ARHGAP8: variants seen among roughly 807,000 people sequenced by gnomAD.
ARHGAP8 encodes Rho GTPase activating protein 8.
A neutral mutation model predicts 46.1 loss-of-function variants in ARHGAP8; 62 were observed. That is an observed-to-expected ratio of 1.34 (90% confidence interval 1.10 to 1.66). The LOEUF (loss-of-function observed/expected upper bound fraction) is 1.66, where lower values mean the gene tolerates loss of function less well. Ranked by LOEUF, ARHGAP8 falls within the 40% of genes most tolerant of loss-of-function variation. The pLI is 0.00. For missense variants in ARHGAP8, 923 were observed against 568.4 expected, an observed-to-expected ratio of 1.62 and a Z score of -6.34; for synonymous variants, 375 against 243.1, an observed-to-expected ratio of 1.54 and a Z score of -5.05.
At chr22:44,844,259 T>C (rs1245743722) in intron 7 of ARHGAP8, among the ~76,000 whole-genome samples, 1 of 152,088 alleles carries the variant, frequency 6.6e-6, no homozygotes, top group Non-Finnish European at 1.5e-5. Context: ...CGTGAGCTAC[T>C]GTGCCCGGCC....
At chr22:44,781,579 G>A (rs758945775) in intron 1 of ARHGAP8, among the ~76,000 whole-genome samples, 2 of 151,960 alleles carry the variant, frequency 1.3e-5, no homozygotes, top group South Asian at 2.1e-4. Context: ...GCTGGAGTGC[G>A]ATGGCGCGAT....
rs141546662 is a variant in ARHGAP8 at position 44,848,019 on chromosome 22, C to T, written c.717C>T (p.Thr239=). The part of the protein sequence containing the change: ...GLFRRSASVQ[T]VREIQRLYNQ... ...TCCGGAGATCCGCCAGCGTGCAGAC[C>T]GTCCGCGAGATCCAGAGGCTCTACA... The change falls in exon 9 of 12, where the codon ACC becomes ACT. Residue 239 remains threonine (T), a synonymous_variant. Coordinates refer to ENST00000356099, the MANE Select transcript of ARHGAP8 (RefSeq NM_181335.3). 86 of 1,607,860 alleles carry T rather than the reference C, an allele frequency of 5.3e-5. No homozygotes were observed. The Admixed American group carries it at 7.0e-4, about 13-fold the overall frequency.
intron 5 of ARHGAP8, 75 bp downstream of exon 5, chr22:44,814,833 C>T: frequency 3.3e-6 from 5 of 1,537,318 alleles, no homozygotes; most frequent in Non-Finnish European, 4.5e-6. Flanking sequence ...ACGGCCTTCC[C>T]TATCCACGCA....
At chr22:44,843,646 T>C (rs112230720) in intron 7 of ARHGAP8, among the ~76,000 whole-genome samples, 4,616 of 152,012 alleles carry the variant, frequency 0.03, 108 homozygotes, top group African/African-American at 0.053. Context: ...CTGGACAACA[T>C]GACAAAACCC....
chr22:44,753,015 G>A (rs1411644224), intron 1 of ARHGAP8, among the ~76,000 whole-genome samples: 3 of 151,872 alleles, frequency 2.0e-5, no homozygotes, highest in African/African-American at 7.3e-5. Flanking sequence ...TTCCGTCCTG[G>A]GGTCTCAGGT....
At chr22:44,838,223 C>T (rs560854887) in intron 7 of ARHGAP8, among the ~76,000 whole-genome samples, 13 of 151,972 alleles carry the variant, frequency 8.6e-5, no homozygotes, top group South Asian at 8.3e-4. Context: ...CTGCAACCTC[C>T]GCCTCCCGGG....
rs112956019 is a variant in ARHGAP8, at chr22:44,848,940, G to A, written c.757G>A (p.Val253Met). The A allele has an allele frequency of 6.8e-6, 11 of 1,613,976 alleles. No homozygotes were observed. Among genetic ancestry groups the A allele is most frequent in the East Asian group, 2.2e-5 (1 of 44,892 alleles). The change falls in exon 10 of 12, where the codon GTG becomes ATG. Residue 253 changes from valine (V) to methionine (M), a missense_variant. Physicochemically the swap from Val to Met is conservative, Grantham distance 21 (BLOSUM62 1). Coordinates refer to ENST00000356099, the MANE Select transcript of ARHGAP8 (RefSeq NM_181335.3). ...IQRLYNQGKP[V>M]NFDDYGDIHI... ...CTGTGTTGTGTGTGCAGGGAAGCCC[G>A]TGAACTTTGACGACTACGGGGACAT...
chr22:44,841,241 CT>C (rs136672), intron 7 of ARHGAP8, among the ~76,000 whole-genome samples: 118,674 of 151,972 alleles, frequency 0.78, 46,460 homozygotes, highest in East Asian at 0.93. Context: ...TGTATTTTTT[CT>C]TTTTTAGAAT....
In ARHGAP8 at chr22:44,753,807, G is replaced by A. The variant is rs1602130263; in HGVS notation, c.-72+1180G>A. On this transcript the variant is annotated intron_variant, in intron 1 of 11. Coordinates refer to ENST00000356099, the MANE Select transcript of ARHGAP8 (RefSeq NM_181335.3). ...ACTTCAGGGTTTTGTGACAGAGGCT[G>A]TGTAGATTCCAGAGAGCTCTGTGCC... Among the ~76,000 whole-genome samples, 3 of 152,352 alleles carry A rather than the reference G, an allele frequency of 2.0e-5. 1 individual carries two copies. The highest frequency in any genetic ancestry group is 1.5e-5 in the Non-Finnish European group (1 of 68,042).
Position 44,764,507 on chromosome 22 carries a change from T to G in ARHGAP8, c.-72+11880T>G, listed in dbSNP as rs543040664. 5.3e-5 allele frequency among the ~76,000 whole-genome samples: 8 copies of G among 152,296 alleles called. No homozygotes were observed. In the South Asian group the frequency reaches 1.7e-3, roughly 32 times the overall value. On this transcript the variant is annotated intron_variant, in intron 1 of 11. Coordinates refer to ENST00000356099, the MANE Select transcript of ARHGAP8 (RefSeq NM_181335.3). Reference sequence around the variant, plus strand: ...GGTTCTTCCTGCTCACGTTCCTTCATGTGTTTGACATTCCCTGCATGTTCT... The same window carrying G: ...GGTTCTTCCTGCTCACGTTCCTTCAGGTGTTTGACATTCCCTGCATGTTCT...
chr22:44,755,615 G>A (rs1317842863), intron 1 of ARHGAP8, among the ~76,000 whole-genome samples: 1 of 152,176 alleles, frequency 6.6e-6, no homozygotes, highest in Non-Finnish European at 1.5e-5. Context: ...TTCACAGGGC[G>A]TCTCCCTGGA....
intron 10 of ARHGAP8, among the ~76,000 whole-genome samples, chr22:44,857,771 C>T (rs1413585464): frequency 2.0e-5 from 3 of 152,044 alleles, no homozygotes; most frequent in African/African-American, 7.2e-5. Context: ...AGCTGTGTGA[C>T]CTCGGGCTAG....
intron 2 of ARHGAP8, among the ~76,000 whole-genome samples, chr22:44,798,623 TC>T (rs1447959172): frequency 1.1e-4 from 16 of 149,900 alleles, no homozygotes; most frequent in African/African-American, 3.9e-4. Context: ...TTCCCTGAGG[TC>T]CACACCTAAT....
chr22:44,771,987 C>T (rs34197038), intron 1 of ARHGAP8, among the ~76,000 whole-genome samples: 108 of 152,196 alleles, frequency 7.1e-4, no homozygotes, highest in Non-Finnish European at 1.2e-3. Context: ...TTGTTCTGAG[C>T]GCTTTCAGTC....
chr22:44,860,898 C>G (rs140073524), intron 11 of ARHGAP8, among the ~76,000 whole-genome samples: 2 of 152,246 alleles, frequency 1.3e-5, no homozygotes, highest in Non-Finnish European at 2.9e-5. Context: ...GTAGGCGTCA[C>G]ATCCCAGAGT....
chr22:44,834,696 T>G (rs1244693421), intron 7 of ARHGAP8, among the ~76,000 whole-genome samples: 1 of 152,184 alleles, frequency 6.6e-6, no homozygotes, highest in Non-Finnish European at 1.5e-5. Flanking sequence ...TTATTGAAAG[T>G]GGGGGATTGA....
intron 11 of ARHGAP8, among the ~76,000 whole-genome samples, chr22:44,861,646 G>C (rs1479615921): frequency 6.6e-6 from 1 of 152,178 alleles, no homozygotes; most frequent in Non-Finnish European, 1.5e-5. Flanking sequence ...GAGGCAAGGA[G>C]CAGAGAACAG....
Position 44,862,337 on chromosome 22 carries a change from G to A in ARHGAP8, c.1044G>A (p.Leu348=). The A allele has an allele frequency of 1.2e-6, 2 of 1,614,022 alleles. No individual in the cohort carries two copies. The highest frequency in any genetic ancestry group is 1.7e-6 in the Non-Finnish European group (2 of 1,179,932). Residue 348 remains leucine, a synonymous_variant, in exon 12 of 12, where the codon CTG becomes CTA. Coordinates refer to ENST00000356099, the MANE Select transcript of ARHGAP8 (RefSeq NM_181335.3). ...NSSNLACVFG[L]NLIWPSQGVS... ...CTAACCTGGCCTGTGTCTTCGGGCT[G>A]AATTTGATCTGGCCATCCCAGGGGG...
chr22:44,760,599 A>T (rs1166207469), intron 1 of ARHGAP8, among the ~76,000 whole-genome samples: 1 of 152,224 alleles, frequency 6.6e-6, no homozygotes, highest in African/African-American at 2.4e-5. Context: ...TTGCCACTCA[A>T]ATTAAGTTTG....
Sources: gnomAD v4.1 joint callset for allele counts (sites outside exome capture counted in the v4.1 genomes callset) on GRCh38, gnomAD v4.1.1 for gene constraint, MANE v1.5 for transcripts, NCBI Gene and HGNC (gene_info 2026-07-23, HGNC 2026-07-21) for gene names.